Variants in GRID2 observed in about 807,000 individuals in gnomAD.
GRID2 encodes glutamate ionotropic receptor delta type subunit 2.
GRID2 carries 33 observed loss-of-function variants against 114.8 expected under a neutral mutation model. The observed-to-expected ratio is 0.29, with a 90% CI of 0.22 to 0.38. The LOEUF is 0.38. Among genes scored for constraint, GRID2 ranks in the 10% least tolerant of loss-of-function variants. The pLI is 1.00. For missense variants in GRID2, 1,184 were observed against 1,257.7 expected (o/e 0.94, Z 0.89); for synonymous variants, 505 against 449.9 (o/e 1.12, Z -1.55).
intron 14 of GRID2, among the ~76,000 whole-genome samples, chr4:93,635,418 A>G (rs938461174): frequency 6.7e-6 from 1 of 149,674 alleles, no homozygotes; most frequent in African/African-American, 2.4e-5. Flanking sequence ...ATATATTTAT[A>G]CATATATTTT....
intron 11 of GRID2, among the ~76,000 whole-genome samples, chr4:93,464,135 A>G (rs1724040114): frequency 6.6e-6 from 1 of 152,184 alleles, no homozygotes; most frequent in Non-Finnish European, 1.5e-5. Flanking sequence ...CCTCAACATA[A>G]ACTTATCCTA....
Position 93,542,059 on chromosome 4 carries a change from G to T in GRID2, c.2193+26648G>T, listed in dbSNP as rs1316543827. 2.6e-5 allele frequency among the ~76,000 whole-genome samples: 4 copies of T among 152,102 alleles called. No homozygotes were observed. In the East Asian group the frequency reaches 7.7e-4, roughly 29 times the overall value. ...AACTTGGGTCACTACCCCTCACATAGCCCTCTTTAATGTTCTTCAGTTCAC... is the reference window on the plus strand; with the variant it reads ...AACTTGGGTCACTACCCCTCACATATCCCTCTTTAATGTTCTTCAGTTCAC... On this transcript the variant is annotated intron_variant, in intron 13 of 15. Transcript: ENST00000282020.
intron 12 of GRID2, among the ~76,000 whole-genome samples, chr4:93,510,390 A>T (rs1729047620): frequency 6.6e-6 from 1 of 152,012 alleles, no homozygotes; most frequent in Admixed American, 6.6e-5. Flanking sequence ...AGTGACATCT[A>T]CTGTCTTGTT....
chr4:93,512,356 C>G (rs1729275642), intron 12 of GRID2, among the ~76,000 whole-genome samples: 1 of 152,158 alleles, frequency 6.6e-6, no homozygotes, highest in African/African-American at 2.4e-5. Flanking sequence ...TTCTGCTAAT[C>G]TTGTTCTAAA....
At chr4:92,347,209 C>A (rs917090204) in intron 1 of GRID2, among the ~76,000 whole-genome samples, 6 of 152,140 alleles carry the variant, frequency 3.9e-5, no homozygotes, top group Non-Finnish European at 7.3e-5. Flanking sequence ...ATGATGAGTT[C>A]ATTTTAAATA....
chr4:93,383,330 T>C (rs1237374511), intron 8 of GRID2, among the ~76,000 whole-genome samples: 1 of 152,176 alleles, frequency 6.6e-6, no homozygotes, highest in Non-Finnish European at 1.5e-5. Context: ...CATGCTGGCT[T>C]TTGTGAACTG....
At chr4:92,545,216 A>T (rs1726182537) in intron 1 of GRID2, among the ~76,000 whole-genome samples, 1 of 152,194 alleles carries the variant, frequency 6.6e-6, no homozygotes, top group African/African-American at 2.4e-5. Context: ...AAGTAAAAAA[A>T]AAAATGTGTG....
At chr4:92,717,555 AAT>A (rs1357460957) in intron 2 of GRID2, among the ~76,000 whole-genome samples, 2 of 152,210 alleles carry the variant, frequency 1.3e-5, no homozygotes, top group African/African-American at 4.8e-5. Flanking sequence ...TTGTTCAGTT[AAT>A]ATATGTTAAA....
chr4:92,923,307 T>C (rs897006881), intron 2 of GRID2, among the ~76,000 whole-genome samples: 3 of 152,188 alleles, frequency 2.0e-5, no homozygotes, highest in African/African-American at 7.2e-5. Flanking sequence ...TAATTGAATA[T>C]ACTGTTTTAT....
intron 2 of GRID2, among the ~76,000 whole-genome samples, chr4:92,932,378 C>A (rs1190179124): frequency 6.6e-6 from 1 of 151,286 alleles, no homozygotes; most frequent in Non-Finnish European, 1.5e-5. Context: ...CACACACATA[C>A]ATGCACACAT....
intron 8 of GRID2, among the ~76,000 whole-genome samples, chr4:93,357,615 A>G (rs1457676401): frequency 1.3e-5 from 2 of 151,498 alleles, no homozygotes; most frequent in African/African-American, 4.8e-5. Flanking sequence ...TTTTGCAGCA[A>G]TATAGTTTAT....
chr4:93,784,058 C>G (rs1169881381), intron 1 of GRID2, among the ~76,000 whole-genome samples: 2 of 105,142 alleles, frequency 1.9e-5, no homozygotes, highest in African/African-American at 3.8e-5. Flanking sequence ...GGCGACAGAG[C>G]GAGACTCCGT....
At chr4:92,377,954 G>A (rs540937820) in intron 1 of GRID2, among the ~76,000 whole-genome samples, 1 of 151,978 alleles carries the variant, frequency 6.6e-6, no homozygotes, top group Non-Finnish European at 1.5e-5. Flanking sequence ...ATATTTCAAC[G>A]TATGTGGTTA....
rs11943246 is a variant in GRID2, at chr4:93,306,871, A to C, written c.1245+68381A>C. ...AATAAAGGTTTATATTTTACTTGAT[A>C]AAATGTAAATTTAAATAGTGTTTTT... is the stretch of plus-strand genomic sequence containing the variant. On this transcript the variant is annotated intron_variant, in intron 8 of 15. Coordinates refer to ENST00000282020, the MANE Select transcript of GRID2 (RefSeq NM_001510.4). 0.025 allele frequency among the ~76,000 whole-genome samples: 3,821 copies of C among 152,244 alleles called. 213 individuals carry two copies. The East Asian group carries it at 0.25, about 10-fold the overall frequency.
At chr4:93,662,328 T>C (rs1191970503) in intron 14 of GRID2, among the ~76,000 whole-genome samples, 1 of 152,190 alleles carries the variant, frequency 6.6e-6, no homozygotes, top group Admixed American at 6.5e-5. Flanking sequence ...TGGCACACTA[T>C]AAATATTATG....
intron 1 of GRID2, among the ~76,000 whole-genome samples, chr4:92,531,476 T>C (rs2149151287): frequency 6.6e-6 from 1 of 152,144 alleles, no homozygotes; most frequent in Non-Finnish European, 1.5e-5. Flanking sequence ...ATAAAGTTAT[T>C]GGAAGGTACC....
At chr4:93,726,086 T>C (rs1404846855) in intron 14 of GRID2, among the ~76,000 whole-genome samples, 1 of 152,184 alleles carries the variant, frequency 6.6e-6, no homozygotes, top group African/African-American at 2.4e-5. Context: ...TGGTATTGCC[T>C]AGGTTTTCTT....
At chr4:93,530,974 T>C (rs1731380531) in intron 13 of GRID2, among the ~76,000 whole-genome samples, 1 of 152,136 alleles carries the variant, frequency 6.6e-6, no homozygotes, top group African/African-American at 2.4e-5. Context: ...GTAAAATAAT[T>C]TATAAGAACA....
chr4:93,341,930 C>T (rs1310393341), intron 8 of GRID2, among the ~76,000 whole-genome samples: 1 of 151,840 alleles, frequency 6.6e-6, no homozygotes, highest in Non-Finnish European at 1.5e-5. Flanking sequence ...TAATTTTTGC[C>T]ATAGAATAGA....
Sources: allele counts gnomAD v4.1 joint callset (sites outside exome capture counted in the v4.1 genomes callset), GRCh38; gene constraint gnomAD v4.1.1; transcripts MANE v1.5; gene names NCBI Gene and HGNC (gene_info 2026-07-23, HGNC 2026-07-21).